The following SDR42E2 variants were observed in gnomAD, a reference collection of about 807,000 sequenced individuals.
SDR42E2 encodes putative short-chain dehydrogenase/reductase family 42E member 2.
Under a neutral mutation model 10.5 loss-of-function variants are expected in SDR42E2, and 20 were observed. The observed-to-expected ratio is 1.90, with a 90% CI of 1.34 to 2.77. SDR42E2 has a LOEUF of 2.77. Among genes scored for constraint, SDR42E2 ranks in the 30% most tolerant of loss-of-function variants. The pLI is 0.00. For missense variants in SDR42E2, 162 were observed against 104.2 expected (o/e 1.55, Z -2.42); for synonymous variants, 72 against 39.2 (o/e 1.84, Z -3.12).
At position 22,190,149 on chromosome 16, in the gene SDR42E2, T is replaced by C. The variant is rs1213562013; in HGVS notation, c.1025T>C (p.Val342Ala). ...CGCCTGTCCCCGCAGGTGCGCAGCG[T>C]GGCCGTGACGCACACCTTCCAGATA... ...PLLTRSEVRS[V>A]AVTHTFQIAK... Residue 342 changes from valine to alanine, a missense_variant, in exon 13 of 13, where the codon GTG becomes GCG. Physicochemically the swap from Val to Ala is moderately conservative, Grantham distance 64 (BLOSUM62 0). Coordinates refer to ENST00000602312, the MANE Select transcript of SDR42E2 (RefSeq NM_001394319.2). 1.0e-5 allele frequency: 4 copies of C among 400,964 alleles called. No homozygotes were observed. Among genetic ancestry groups the C allele is most frequent in the Non-Finnish European group, 4.4e-6 (1 of 226,178 alleles). The allele number at this position is 400,964 out of a possible 1,614,324, so 24.8% of individuals were successfully genotyped here.
At chr16:22,189,999 C>T (rs999259132) in intron 12 of SDR42E2, 140 bp from the exon 13 acceptor site, 8 of 399,362 alleles carry the variant, frequency 2.0e-5, no homozygotes, top group Admixed American at 4.4e-5. Flanking sequence ...AGGAGCAAGA[C>T]GCTGCACTCG....
chr16:22,178,905 C>A (rs570253154), intron 8 of SDR42E2, among the ~76,000 whole-genome samples: 47 of 152,316 alleles, frequency 3.1e-4, no homozygotes, highest in Non-Finnish European at 6.0e-4. Flanking sequence ...GTGGCTGGAT[C>A]TGATCTGGGA....
chr16:22,165,761 A>G, intron 2 of SDR42E2, 124 bp downstream of exon 2: 1 of 400,922 alleles, frequency 2.5e-6, no homozygotes, highest in South Asian at 1.3e-4. Context: ...CTGGGGCCCA[A>G]AGCTATTCCA....
In SDR42E2 at chr16:22,173,905, G is replaced by GTATATATATA. The variant is rs770541596; in HGVS notation, c.589+1589_589+1598dup. ...GGGCTACGTATATATATGTGTGTGT[G>GTATATATATA]TATATATATATATATATATATATAG... On this transcript the variant is annotated intron_variant, in intron 7 of 12. Coordinates refer to ENST00000602312, the MANE Select transcript of SDR42E2 (RefSeq NM_001394319.2). 2.4e-3 allele frequency among the ~76,000 whole-genome samples: 279 copies of GTATATATATA among 115,034 alleles called. 21 individuals carry two copies. The East Asian group carries it at 0.081, about 34-fold the overall frequency. The allele number at this position is 115,034 out of a possible 152,430, so 75.5% of individuals were successfully genotyped here.
chr16:22,183,444 C>G (rs972750202), intron 10 of SDR42E2, among the ~76,000 whole-genome samples: 4 of 152,134 alleles, frequency 2.6e-5, no homozygotes, highest in Admixed American at 1.3e-4. Context: ...CGGAAGGAGG[C>G]ATGTGGAAGA....
At chr16:22,165,135 T>C (rs1451608755) in intron 1 of SDR42E2, among the ~76,000 whole-genome samples, 1 of 152,220 alleles carries the variant, frequency 6.6e-6, no homozygotes, top group Non-Finnish European at 1.5e-5. Context: ...TTGCCCAGAC[T>C]GGGGTGCAGT....
At position 22,181,619 on chromosome 16, in the gene SDR42E2, C is replaced by T. The variant is rs570784424; in HGVS notation, c.773C>T (p.Ala258Val). The change falls in exon 9 of 13, where the codon GCG becomes GTG. Residue 258 changes from alanine to valine, a missense_variant. Physicochemically the swap from Ala to Val is moderately conservative, Grantham distance 64. Transcript: ENST00000602312. The stretch of plus-strand genomic sequence containing the variant: ...AATCTGGTGCAGGCACACGTGCTGG[C>T]GGCCGAGGCCCTCACCACGGCCAAG... The part of the protein sequence containing the change: ...VHNLVQAHVL[A>V]AEALTTAKGY... 3.6e-5 allele frequency: 25 copies of T among 703,002 alleles called. 1 individual carries two copies. The highest frequency in any genetic ancestry group is 2.5e-4 in the South Asian group (17 of 67,598). 43.5% of individuals were successfully genotyped at this position (703,002 alleles called of 1,614,324 possible).
At chr16:22,178,802 G>C (rs1449056730) in intron 8 of SDR42E2, among the ~76,000 whole-genome samples, 1 of 152,200 alleles carries the variant, frequency 6.6e-6, no homozygotes, top group Non-Finnish European at 1.5e-5. Flanking sequence ...TGAAGTGGTA[G>C]AGAGAAGATA....
chr16:22,173,903 G>GTATATATATATATATATA (rs146432754), intron 7 of SDR42E2, among the ~76,000 whole-genome samples: 1,133 of 112,210 alleles, frequency 0.01, 28 homozygotes, highest in East Asian at 0.026. Flanking sequence ...ATATGTGTGT[G>GTATATATATATATATATA]TGTATATATA....
At chr16:22,173,101 C>T (rs1393771901) in intron 7 of SDR42E2, among the ~76,000 whole-genome samples, 3 of 152,070 alleles carry the variant, frequency 2.0e-5, no homozygotes, top group Admixed American at 6.6e-5. Flanking sequence ...TTTATATTGC[C>T]TCTTCTGGTT....
chr16:22,170,222 C>T (rs1001878591), intron 5 of SDR42E2, among the ~76,000 whole-genome samples: 23 of 151,560 alleles, frequency 1.5e-4, no homozygotes, highest in Non-Finnish European at 2.5e-4. Flanking sequence ...GGCGTGGTGG[C>T]GCATGCCTGT....
intron 12 of SDR42E2, 44 bp from the exon 13 acceptor site, chr16:22,190,095 C>T: frequency 2.5e-6 from 1 of 400,992 alleles, no homozygotes. Context: ...AGGATGTCCT[C>T]CTCCCACGAG....
intron 4 of SDR42E2, among the ~76,000 whole-genome samples, chr16:22,167,613 A>G (rs895906041): frequency 6.6e-6 from 1 of 152,200 alleles, no homozygotes; most frequent in Admixed American, 6.5e-5. Context: ...GAGCAATGTA[A>G]TAGTATCCAC....
chr16:22,175,714 T>C (rs1423745116), intron 7 of SDR42E2, among the ~76,000 whole-genome samples: 1 of 151,838 alleles, frequency 6.6e-6, no homozygotes, highest in Non-Finnish European at 1.5e-5. Flanking sequence ...CATTTTAGGC[T>C]GGGCACAGTG....
intron 1 of SDR42E2, among the ~76,000 whole-genome samples, chr16:22,163,531 C>A (rs1331599750): frequency 6.6e-6 from 1 of 151,858 alleles, no homozygotes; most frequent in East Asian, 1.9e-4. Flanking sequence ...AATGGTGAAA[C>A]CCCCGTCTCT....
intron 6 of SDR42E2, among the ~76,000 whole-genome samples, chr16:22,171,585 T>A (rs1389613372): frequency 1.3e-5 from 2 of 151,960 alleles, no homozygotes; most frequent in Non-Finnish European, 2.9e-5. Context: ...CAGACTGGAG[T>A]GCAGTGTCAT....
chr16:22,182,758 G>C (rs1277364327), intron 10 of SDR42E2, among the ~76,000 whole-genome samples: 9 of 152,156 alleles, frequency 5.9e-5, no homozygotes, highest in African/African-American at 2.2e-4. Context: ...CCAGCACTTT[G>C]GGAGGCTAAC....
intron 5 of SDR42E2, 43 bp downstream of exon 5, chr16:22,169,545 C>T (rs748848951): frequency 1.4e-6 from 1 of 703,186 alleles, no homozygotes; most frequent in Non-Finnish European, 2.6e-6. Flanking sequence ...GCCTCTCCCC[C>T]TCTCTCCCTT....
At chr16:22,175,540 C>CTT (rs759069697) in intron 7 of SDR42E2, among the ~76,000 whole-genome samples, 9 of 137,024 alleles carry the variant, frequency 6.6e-5, no homozygotes, top group African/African-American at 1.7e-4. Flanking sequence ...ACACTCCTTC[C>CTT]TTTTTTTTTT....
Sources: gnomAD v4.1 joint callset for allele counts (sites outside exome capture counted in the v4.1 genomes callset) on GRCh38, gnomAD v4.1.1 for gene constraint, MANE v1.5 for transcripts, NCBI Gene and HGNC (gene_info 2026-07-23, HGNC 2026-07-21) for gene names.